The following EYS variants were observed in gnomAD, a reference collection of about 807,000 sequenced individuals.
The protein encoded by EYS is EGF-like photoreceptor maintenance factor, also known as protein eyes shut homolog.
A neutral mutation model predicts 282.1 loss-of-function variants in EYS; 250 were observed. That is an observed-to-expected ratio of 0.89 (90% confidence interval 0.80 to 0.98). The LOEUF is 0.98. EYS is among the 50% of genes least tolerant of loss of function. The pLI is 0.00. For synonymous variants in EYS, 1,355 were observed against 1,282.9 expected (o/e 1.06, Z -1.20); for missense variants, 4,016 against 3,709.0 (o/e 1.08, Z -2.15).
chr6:63,879,763 C>T (rs1465351401), intron 35 of EYS, among the ~76,000 whole-genome samples: 1 of 152,082 alleles, frequency 6.6e-6, no homozygotes, highest in African/African-American at 2.4e-5. Flanking sequence ...TTCCATACAA[C>T]TGTTGTTATT....
intron 22 of EYS, among the ~76,000 whole-genome samples, chr6:64,766,639 A>AAAAAAAC (rs1554201245): frequency 1.7e-4 from 1 of 5,906 alleles, no homozygotes; most frequent in South Asian, 6.7e-3. Context: ...CTCAAAAAAA[A>AAAAAAAC]AAAAAAAAAA....
At chr6:64,119,492 C>T (rs111678556) in intron 31 of EYS, among the ~76,000 whole-genome samples, 5 of 152,110 alleles carry the variant, frequency 3.3e-5, no homozygotes, top group African/African-American at 4.8e-5. Flanking sequence ...TTAGATAATA[C>T]AATAAGTTCA....
chr6:64,269,078 C>T (rs1329468842), intron 30 of EYS, among the ~76,000 whole-genome samples: 1 of 152,092 alleles, frequency 6.6e-6, no homozygotes, highest in Non-Finnish European at 1.5e-5. Context: ...TTTCTCAGTG[C>T]TTTCAAAGAG....
intron 13 of EYS, among the ~76,000 whole-genome samples, chr6:65,051,938 C>T (rs1277853332): frequency 6.6e-6 from 1 of 151,466 alleles, no homozygotes; most frequent in African/African-American, 2.4e-5. Context: ...AAGAAAGCAG[C>T]CCTATTCCTG....
At position 63,981,992 on chromosome 6, in the gene EYS, A is replaced by G. The variant is rs186769211; in HGVS notation, c.7055+2391T>C. ...CTGCTTATATATACATCCTGTTAGGAAGATTATCTTTATTGTTATTTTCAA... is the reference window on the plus strand; with the variant it reads ...CTGCTTATATATACATCCTGTTAGGGAGATTATCTTTATTGTTATTTTCAA... On this transcript the variant is annotated intron_variant, in intron 35 of 42. Coordinates refer to ENST00000503581, the MANE Select transcript of EYS (RefSeq NM_001142800.2). Among the ~76,000 whole-genome samples the G allele has an allele frequency of 3.0e-3, 462 of 151,984 alleles. 1 individual carries two copies. The highest frequency in any genetic ancestry group is 5.2e-3 in the Non-Finnish European group (350 of 67,862).
Position 65,519,719 on chromosome 6 carries a change from T to A in EYS, c.-332-23726A>T, listed in dbSNP as rs1266299380. ...ATATATATATATATATTTTTTTTTT[T>A]TTTTTTTTTTTTTTGAGATAAGATC... is the stretch of plus-strand genomic sequence containing the variant. On this transcript the variant is annotated intron_variant, in intron 2 of 42. Coordinates refer to ENST00000503581, the MANE Select transcript of EYS (RefSeq NM_001142800.2). Among the ~76,000 whole-genome samples, 347 of 100,744 alleles carry A rather than the reference T, an allele frequency of 3.4e-3. 3 individuals are homozygous for A. Among genetic ancestry groups the A allele is most frequent in the East Asian group, 7.6e-3 (24 of 3,168 alleles). The allele number at this position is 100,744 out of a possible 152,430, so 66.1% of individuals were successfully genotyped here.
chr6:64,745,569 G>T (rs192020800), intron 22 of EYS, among the ~76,000 whole-genome samples: 1 of 151,924 alleles, frequency 6.6e-6, no homozygotes, highest in Admixed American at 6.6e-5. Flanking sequence ...TTACTTAAGC[G>T]ACAATATTTT....
intron 19 of EYS, among the ~76,000 whole-genome samples, chr6:64,866,613 T>C (rs1463207677): frequency 1.3e-5 from 2 of 151,798 alleles, no homozygotes; most frequent in Admixed American, 6.6e-5. Context: ...CTGTTTTTTA[T>C]TTTTTAGTTA....
chr6:65,244,099 G>C (rs1238869447), intron 12 of EYS, among the ~76,000 whole-genome samples: 1 of 152,174 alleles, frequency 6.6e-6, no homozygotes, highest in Non-Finnish European at 1.5e-5. Context: ...TGAAATATAA[G>C]AGGGCTGAGG....
intron 12 of EYS, among the ~76,000 whole-genome samples, chr6:65,257,746 C>T (rs942729581): frequency 6.6e-5 from 10 of 151,666 alleles, no homozygotes; most frequent in African/African-American, 1.2e-4. Flanking sequence ...ACTGACTTGG[C>T]GAAGACAAAC....
At chr6:65,394,470 C>T (rs911055183) in intron 7 of EYS, among the ~76,000 whole-genome samples, 5 of 151,994 alleles carry the variant, frequency 3.3e-5, no homozygotes, top group East Asian at 3.9e-4. Flanking sequence ...TGTCCTGTAG[C>T]GCCGTGGACA....
chr6:65,349,245 A>G (rs1255445183), intron 9 of EYS, among the ~76,000 whole-genome samples: 1 of 151,546 alleles, frequency 6.6e-6, no homozygotes, highest in East Asian at 1.9e-4. Context: ...TAATGAAGCT[A>G]TGTAATCTAA....
intron 5 of EYS, among the ~76,000 whole-genome samples, chr6:65,457,643 C>A (rs1236350714): frequency 2.6e-5 from 4 of 151,910 alleles, no homozygotes; most frequent in Admixed American, 2.0e-4. Context: ...GTTTTGTTAT[C>A]CTAAAATAAT....
intron 31 of EYS, 146 bp from the exon 32 acceptor site, chr6:64,082,148 A>G: frequency 1.8e-6 from 1 of 553,644 alleles, no homozygotes; most frequent in Non-Finnish European, 3.1e-6. Flanking sequence ...AACTTTAGAT[A>G]TAAAGTGTAA....
chr6:65,404,037 T>G (rs1766620425), intron 6 of EYS, among the ~76,000 whole-genome samples: 1 of 152,064 alleles, frequency 6.6e-6, no homozygotes, highest in South Asian at 2.1e-4. Flanking sequence ...GTCATAAGTC[T>G]GAAAAGTTTC....
intron 22 of EYS, among the ~76,000 whole-genome samples, chr6:64,683,565 G>C (rs1028659602): frequency 6.6e-6 from 1 of 152,142 alleles, no homozygotes; most frequent in African/African-American, 2.4e-5. Context: ...TGAAAATACA[G>C]GAGAGAACAA....
intron 5 of EYS, among the ~76,000 whole-genome samples, chr6:65,461,367 T>A (rs1235390720): frequency 2.0e-5 from 3 of 152,088 alleles, no homozygotes; most frequent in Non-Finnish European, 4.4e-5. Flanking sequence ...ATAAGACACA[T>A]CCTGAGGCTA....
chr6:64,003,269 AAGAT>A lies in EYS; in HGVS notation c.6726-4090_6726-4087del, dbSNP rs529369303. Among the ~76,000 whole-genome samples the A allele has an allele frequency of 2.1e-3, 327 of 152,294 alleles. 1 individual carries two copies. Among genetic ancestry groups the A allele is most frequent in the Non-Finnish European group, 3.5e-3 (237 of 68,002 alleles). Reference sequence around the variant, plus strand: ...AAAATTTAAAACAACTGAACTCATGAAGATAGATAGAATGGTTACCAGAGGCTGA... The same window carrying A: ...AAAATTTAAAACAACTGAACTCATGAAGATAGAATGGTTACCAGAGGCTGA... On this transcript the variant is annotated intron_variant, in intron 33 of 42. Coordinates refer to ENST00000503581, the MANE Select transcript of EYS (RefSeq NM_001142800.2).
At chr6:65,276,717 G>T (rs1223342902) in intron 12 of EYS, among the ~76,000 whole-genome samples, 1 of 152,016 alleles carries the variant, frequency 6.6e-6, no homozygotes, top group Non-Finnish European at 1.5e-5. Context: ...TAAACATCTA[G>T]GTCACCCAAG....
Sources: gnomAD v4.1 joint callset for allele counts (sites outside exome capture counted in the v4.1 genomes callset) on GRCh38, gnomAD v4.1.1 for gene constraint, MANE v1.5 for transcripts, NCBI Gene and HGNC (gene_info 2026-07-23, HGNC 2026-07-21) for gene names.